VPS13B: variants seen among roughly 807,000 people sequenced by gnomAD.
VPS13B encodes intermembrane lipid transfer protein VPS13B.
VPS13B carries 285 observed loss-of-function variants against 426.4 expected under a neutral mutation model. The ratio of observed to expected loss-of-function variants is 0.67; its 90% CI spans 0.61 to 0.74. The LOEUF is 0.74. Among genes scored for constraint, VPS13B ranks in the 30% least tolerant of loss-of-function variants. The pLI is 0.00. For synonymous variants in VPS13B, 1,676 were observed against 1,676.4 expected, an observed-to-expected ratio of 1.00 and a Z score of 0.01; for missense variants, 4,537 against 4,782.6, an observed-to-expected ratio of 0.95 and a Z score of 1.51.
intron 11 of VPS13B, among the ~76,000 whole-genome samples, chr8:99,136,282 T>C (rs1260800225): frequency 6.6e-6 from 1 of 152,134 alleles, no homozygotes; most frequent in African/African-American, 2.4e-5. Flanking sequence ...TATTTCAGTA[T>C]ATCTTTAGTG....
rs547695981 is a variant in VPS13B, at chr8:99,281,367, C to G, written c.2824+6113C>G. 9.2e-5 allele frequency among the ~76,000 whole-genome samples: 14 copies of G among 152,282 alleles called. No homozygotes were observed. In the South Asian group the frequency reaches 2.9e-3, roughly 32 times the overall value. ...GTCTTTTTTGTTTTTGCACTTCTTGCGAATGGAGGCACTGACTGCCCTTTG... is the reference window on the plus strand; with the variant it reads ...GTCTTTTTTGTTTTTGCACTTCTTGGGAATGGAGGCACTGACTGCCCTTTG... On this transcript the variant is annotated intron_variant, in intron 19 of 61. Coordinates refer to ENST00000357162, the MANE Select transcript of VPS13B (RefSeq NM_152564.5).
At position 99,082,544 on chromosome 8, in the gene VPS13B, G is replaced by A. The variant is rs77959851; in HGVS notation, c.292-13768G>A. 8.6e-4 allele frequency among the ~76,000 whole-genome samples: 131 copies of A among 152,240 alleles called. 2 individuals carry two copies. The East Asian group carries it at 0.016, about 19-fold the overall frequency. ...AGACGTGAAGTCCTTGCCCATGCCT[G>A]TGTCCTGAATGGTATTGCCTAGGTT... On this transcript the variant is annotated intron_variant, in intron 3 of 61. Transcript: ENST00000357162.
intron 36 of VPS13B, among the ~76,000 whole-genome samples, chr8:99,712,839 G>T (rs749342657): frequency 6.6e-6 from 1 of 151,682 alleles, no homozygotes; most frequent in Non-Finnish European, 1.5e-5. Flanking sequence ...TTCAAGTCTG[G>T]AATTTTTTTT....
chr8:99,376,949 A>C (rs1281742510), intron 19 of VPS13B, among the ~76,000 whole-genome samples: 1 of 152,080 alleles, frequency 6.6e-6, no homozygotes, highest in Non-Finnish European at 1.5e-5. Flanking sequence ...TTTCAATGTA[A>C]CATTAGGTAT....
intron 19 of VPS13B, among the ~76,000 whole-genome samples, chr8:99,338,629 T>C (rs1255665435): frequency 6.6e-6 from 1 of 152,176 alleles, no homozygotes; most frequent in African/African-American, 2.4e-5. Flanking sequence ...GGATTCAATG[T>C]TATAGTTAAT....
chr8:99,023,419 A>AT (rs1841993508), intron 2 of VPS13B, among the ~76,000 whole-genome samples: 1 of 149,138 alleles, frequency 6.7e-6, no homozygotes, highest in Admixed American at 6.6e-5. Flanking sequence ...AAAAGACAAG[A>AT]TTTTTTTTCT....
rs752131066 is a variant in VPS13B at position 99,818,906 on chromosome 8, C to T, written c.8621+18C>T. The T allele has an allele frequency of 2.0e-6, 3 of 1,491,054 alleles. No individual in the cohort carries two copies. In the Admixed American group the frequency reaches 5.4e-5, roughly 27 times the overall value. 92.4% of individuals were successfully genotyped at this position (1,491,054 alleles called of 1,614,324 possible). A position where few individuals can be genotyped will look rare whatever the true frequency, so the allele number is the denominator to read the frequency against. On this transcript the variant is annotated intron_variant, in intron 47 of 61. Coordinates refer to ENST00000357162, the MANE Select transcript of VPS13B (RefSeq NM_152564.5). ...CAAGCAAGGTACTAGAAAAATCCTT[C>T]CATACATTTTACATTTTCCTAGGAG...
chr8:99,457,981 A>G lies in VPS13B; in HGVS notation c.3446-9433A>G, dbSNP rs892926566. 5.3e-5 allele frequency among the ~76,000 whole-genome samples: 8 copies of G among 152,156 alleles called. No individual in the cohort carries two copies. The South Asian group carries it at 1.7e-3, about 32-fold the overall frequency. On this transcript the variant is annotated intron_variant, in intron 23 of 61. Transcript: ENST00000357162. Reference sequence around the variant, plus strand: ...TGCACAACGTGCAGGTTTGTTACATATGTATACATGTGCCATGTTGGTGTG... The same window carrying G: ...TGCACAACGTGCAGGTTTGTTACATGTGTATACATGTGCCATGTTGGTGTG...
intron 55 of VPS13B, among the ~76,000 whole-genome samples, chr8:99,851,829 T>C (rs987392352): frequency 2.6e-5 from 4 of 152,098 alleles, no homozygotes; most frequent in South Asian, 4.1e-4. Context: ...GAGGAACTCA[T>C]TGGATCATTT....
intron 25 of VPS13B, among the ~76,000 whole-genome samples, chr8:99,491,192 G>A (rs951742063): frequency 2.0e-5 from 3 of 152,276 alleles, no homozygotes; most frequent in Middle Eastern, 3.4e-3. Flanking sequence ...AGGTTGTTCA[G>A]TTTCCATGTA....
intron 19 of VPS13B, among the ~76,000 whole-genome samples, chr8:99,331,904 A>T (rs887651262): frequency 1.3e-5 from 2 of 151,722 alleles, no homozygotes; most frequent in African/African-American, 4.8e-5. Context: ...CTGCATAGGG[A>T]TAACTTTAGT....
intron 24 of VPS13B, among the ~76,000 whole-genome samples, chr8:99,471,457 A>T (rs1029267392): frequency 3.9e-5 from 6 of 152,108 alleles, no homozygotes; most frequent in African/African-American, 1.4e-4. Flanking sequence ...GTAGACCGAA[A>T]GTTTTGGTGC....
At chr8:99,733,476 G>A (rs1833683430) in intron 39 of VPS13B, among the ~76,000 whole-genome samples, 1 of 152,102 alleles carries the variant, frequency 6.6e-6, no homozygotes, top group South Asian at 2.1e-4. Context: ...AATGACTGTT[G>A]GATGTAAAAA....
chr8:99,438,034 C>CTTTTTTTTTTT (rs746500253), intron 22 of VPS13B, among the ~76,000 whole-genome samples: 13 of 120,604 alleles, frequency 1.1e-4, no homozygotes, highest in East Asian at 5.0e-4. Context: ...TTCTTTTCCT[C>CTTTTTTTTTTT]TTTTTTTTTT....
intron 36 of VPS13B, among the ~76,000 whole-genome samples, chr8:99,708,386 G>A (rs1832574370): frequency 6.6e-6 from 1 of 152,070 alleles, no homozygotes; most frequent in Admixed American, 6.6e-5. Flanking sequence ...CCAGACAATG[G>A]CCATGTGTGA....
chr8:99,115,558 G>A (rs999024057), intron 6 of VPS13B, 142 bp from the exon 7 acceptor site: 5 of 827,624 alleles, frequency 6.0e-6, no homozygotes, highest in African/African-American at 5.2e-5. Flanking sequence ...CTTAGAGTAA[G>A]TATTGTTTTG....
At chr8:99,640,004 T>TAAGAAGAAG (rs1474132808) in intron 33 of VPS13B, among the ~76,000 whole-genome samples, 7 of 75,864 alleles carry the variant, frequency 9.2e-5, no homozygotes, top group African/African-American at 3.4e-4. Flanking sequence ...ATAATAATAA[T>TAAGAAGAAG]AATAATAATA....
intron 4 of VPS13B, among the ~76,000 whole-genome samples, chr8:99,096,806 T>C (rs1052503018): frequency 1.3e-5 from 2 of 151,634 alleles, no homozygotes; most frequent in African/African-American, 4.8e-5. Flanking sequence ...GTAGAATATA[T>C]ATTTTTAGTA....
chr8:99,094,826 TGTAA>T (rs1037223633), intron 3 of VPS13B, among the ~76,000 whole-genome samples: 7 of 152,158 alleles, frequency 4.6e-5, no homozygotes, highest in African/African-American at 1.7e-4. Flanking sequence ...ATACCATTCT[TGTAA>T]GTATTATAAA....
Sources: allele counts gnomAD v4.1 joint callset (sites outside exome capture counted in the v4.1 genomes callset), GRCh38; gene constraint gnomAD v4.1.1; transcripts MANE v1.5; gene names NCBI Gene and HGNC (gene_info 2026-07-23, HGNC 2026-07-21).